NYAP1: variants seen among roughly 807,000 people sequenced by gnomAD.
NYAP1 encodes neuronal tyrosine phosphorylated phosphoinositide-3-kinase adaptor 1, also known as neuronal tyrosine-phosphorylated phosphoinositide-3-kinase adapter 1.
A neutral mutation model predicts 58.6 loss-of-function variants in NYAP1; 20 were observed. The observed-to-expected ratio is 0.34, with a 90% CI of 0.24 to 0.50. NYAP1 has a LOEUF of 0.50. Ranked by LOEUF, NYAP1 falls within the 20% of genes least tolerant of loss-of-function variation. NYAP1 has a pLI of 0.98. For missense variants in NYAP1, 1,150 were observed against 1,194.5 expected (o/e 0.96, Z 0.55); for synonymous variants, 572 against 523.1 (o/e 1.09, Z -1.27).
rs1032885495 is a variant in NYAP1 at position 100,486,069 on chromosome 7, CTTG to C, written c.68+696_68+698del. The stretch of plus-strand genomic sequence containing the variant: ...TTCCTCGCAACTGTGGAGTTTAATT[CTTG>C]TTGTTAATTAGATTAATCAGAGTGA... On this transcript the variant is annotated intron_variant, in intron 2 of 6. Coordinates refer to ENST00000300179, the MANE Select transcript of NYAP1 (RefSeq NM_173564.4). The surrounding 1 kb of genome is among the most constrained non-coding windows in gnomAD (Gnocchi z 6.2). 2.0e-5 allele frequency among the ~76,000 whole-genome samples: 3 copies of C among 152,138 alleles called. No individual in the cohort carries two copies. The highest frequency in any genetic ancestry group is 4.8e-5 in the African/African-American group (2 of 41,414).
At chr7:100,489,730 A>C in intron 4 of NYAP1, 64 bp downstream of exon 4, 2 of 878,680 alleles carry the variant, frequency 2.3e-6, no homozygotes, top group East Asian at 5.6e-5. Context: ...GATGCCTGCG[A>C]TGGTTTGGGG....
rs146405001 is a variant in NYAP1 at position 100,485,464 on chromosome 7, C to A, written c.68+85C>A. 9.5e-7 allele frequency: 1 copy of A among 1,052,832 alleles called. No individual in the cohort carries two copies. The highest frequency in any genetic ancestry group is 2.6e-5 in the East Asian group (1 of 38,576). The allele number at this position is 1,052,832 out of a possible 1,614,324, so 65.2% of individuals were successfully genotyped here. The stretch of plus-strand genomic sequence containing the variant: ...GGCCACAGCCCTTCTCGGGGGCCGG[C>A]AGCCTTGTCATGAGTGAGCTCTCTG... On this transcript the variant is annotated intron_variant, in intron 2 of 6. Transcript: ENST00000300179. This position sits in a 1 kb window ranked among gnomAD's most constrained non-coding sequence, Gnocchi z 5.7.
In NYAP1 at chr7:100,491,085, C is replaced by T. The variant is rs756530979; in HGVS notation, c.2258C>T (p.Ala753Val). ...TPRPCSQPRD[A>V]LSQPHPALPL... ...CGGCCCTGCAGCCAGCCCAGGGATG[C>T]CCTGAGCCAGGTGAGGCTTGGTTTT... The change falls in exon 6 of 7, where the codon GCC (alanine) becomes GTC (valine). Residue 753 changes from alanine to valine, a missense_variant. Physicochemically the swap from Ala to Val is moderately conservative, Grantham distance 64. Transcript: ENST00000300179. The T allele has an allele frequency of 1.9e-5, 29 of 1,552,548 alleles. No individual in the cohort carries two copies. Among genetic ancestry groups the T allele is most frequent in the Middle Eastern group, 1.7e-4 (1 of 5,996 alleles).
In NYAP1 at chr7:100,488,646, A is replaced by T; in HGVS notation, c.925A>T (p.Ser309Cys). The stretch of plus-strand genomic sequence containing the variant: ...CCGCCGCCCAGCTTCAGCCCTCCCG[A>T]GCCGGAGGGACGGGACGCCCACCAA... ...AHRRPASALP[S>C]RRDGTPTKTT... The change falls in exon 4 of 7, where the codon AGC becomes TGC. Residue 309 changes from serine (S) to cysteine (C), a missense_variant. Coordinates refer to ENST00000300179, the MANE Select transcript of NYAP1 (RefSeq NM_173564.4). The surrounding 1 kb of genome is among the most constrained non-coding windows in gnomAD (Gnocchi z 5.9). 1 of 1,608,246 alleles carries T rather than the reference A, an allele frequency of 6.2e-7. No individual in the cohort carries two copies. Among genetic ancestry groups the T allele is most frequent in the Non-Finnish European group, 8.5e-7 (1 of 1,178,204 alleles).
Position 100,489,362 on chromosome 7 carries a change from G to A in NYAP1, c.1641G>A (p.Pro547=), listed in dbSNP as rs751931590. ...LPDPTVGPLT[P]LWTYPATAAG... Reference sequence around the variant, plus strand: ...ACCCAACTGTAGGCCCCCTGACCCCGCTGTGGACCTACCCAGCCACAGCAG... The same window carrying A: ...ACCCAACTGTAGGCCCCCTGACCCCACTGTGGACCTACCCAGCCACAGCAG... Residue 547 remains proline (P), a synonymous_variant, in exon 4 of 7, where the codon CCG becomes CCA. Transcript: ENST00000300179. 39 of 1,612,110 alleles carry A rather than the reference G, an allele frequency of 2.4e-5. No individual in the cohort carries two copies. Among genetic ancestry groups the A allele is most frequent in the Admixed American group, 3.3e-5 (2 of 59,948 alleles).
chr7:100,490,830 G>T lies in NYAP1; in HGVS notation c.2158+101G>T. ...GACTTCCTCTCACCTGTTCACGTCT[G>T]TGCCCAGGGCCCTAAATCCTCATAC... On this transcript the variant is annotated intron_variant, in intron 5 of 6. Coordinates refer to ENST00000300179, the MANE Select transcript of NYAP1 (RefSeq NM_173564.4). This position sits in a 1 kb window ranked among gnomAD's most constrained non-coding sequence, Gnocchi z 4.6. The T allele has an allele frequency of 8.3e-7, 1 of 1,211,776 alleles. No homozygotes were observed. Among genetic ancestry groups the T allele is most frequent in the Non-Finnish European group, 1.1e-6 (1 of 878,152 alleles). The allele number at this position is 1,211,776 out of a possible 1,614,324, so 75.1% of individuals were successfully genotyped here. A position where few individuals can be genotyped will look rare whatever the true frequency, so the allele number is the denominator to read the frequency against.
rs765098353 is a variant in NYAP1 at position 100,490,742 on chromosome 7, G to A, written c.2158+13G>A. The A allele has an allele frequency of 2.0e-6, 3 of 1,493,990 alleles. No individual in the cohort carries two copies. In the East Asian group the frequency reaches 7.4e-5, roughly 37 times the overall value. The allele number at this position is 1,493,990 out of a possible 1,614,324, so 92.5% of individuals were successfully genotyped here. A position where few individuals can be genotyped will look rare whatever the true frequency, so the allele number is the denominator to read the frequency against. ...CACCGCAATGGAGGTGACGCGGCCT[G>A]CACACACCTGTGCACAGCGGGGCTG... On this transcript the variant is annotated intron_variant, in intron 5 of 6. Coordinates refer to ENST00000300179, the MANE Select transcript of NYAP1 (RefSeq NM_173564.4). The surrounding 1 kb of genome is among the most constrained non-coding windows in gnomAD (Gnocchi z 4.6).
rs1799746533 is a variant in NYAP1 at position 100,488,916 on chromosome 7, C to G, written c.1195C>G (p.Pro399Ala). 6.3e-7 allele frequency: 1 copy of G among 1,588,398 alleles called. No individual in the cohort carries two copies. Among genetic ancestry groups the G allele is most frequent in the African/African-American group, 1.3e-5 (1 of 74,096 alleles). ...PPAANLLLLGPSGRARSHSTP... is the reference protein window; with the variant it reads ...PPAANLLLLGASGRARSHSTP... ...TGCTGCCAACCTGCTGCTGCTGGGA[C>G]CATCGGGCCGGGCCCGGAGCCACTC... Residue 399 changes from proline (P) to alanine (A), a missense_variant, in exon 4 of 7, where the codon CCA (proline) becomes GCA (alanine). Physicochemically the swap from Pro to Ala is conservative, Grantham distance 27. Transcript: ENST00000300179. This position sits in a 1 kb window ranked among gnomAD's most constrained non-coding sequence, Gnocchi z 5.9.
chr7:100,489,391 G>A lies in NYAP1; in HGVS notation c.1670G>A (p.Gly557Glu), dbSNP rs1324044621. The change falls in exon 4 of 7, where the codon GGG becomes GAG. Residue 557 changes from glycine (G) to glutamate (E), a missense_variant. By Grantham distance (98) the Gly-to-Glu change is moderately conservative (BLOSUM62 -2). Transcript: ENST00000300179. ...TGGACCTACCCAGCCACAGCAGCTGGGCTCAAGAGACCCCCTGCCTATGAG... is the reference window on the plus strand; with the variant it reads ...TGGACCTACCCAGCCACAGCAGCTGAGCTCAAGAGACCCCCTGCCTATGAG... ...PLWTYPATAAGLKRPPAYESL... is the reference protein window; with the variant it reads ...PLWTYPATAAELKRPPAYESL... 5 of 1,612,828 alleles carry A rather than the reference G, an allele frequency of 3.1e-6. No homozygotes were observed. The highest frequency in any genetic ancestry group is 1.3e-5 in the African/African-American group (1 of 74,896).
At position 100,493,822 on chromosome 7, in the gene NYAP1, G is replaced by A; in HGVS notation, c.2445G>A (p.Trp815Ter). Residue 815 changes from tryptophan (W) to a stop codon, truncating the protein, a stop_gained, in exon 7 of 7, where the codon TGG becomes TGA. Transcript: ENST00000300179. LOFTEE classifies it high-confidence loss of function. ...AGAGCATGCCCATCCTCCCCAGCTG[G>A]CGGCGGGGACCCGAGCCCCGCAAGT... ...KQESMPILPS[W>*]RRGPEPRKSG... 1 of 1,581,890 alleles carries A rather than the reference G, an allele frequency of 6.3e-7. No individual in the cohort carries two copies. The highest frequency in any genetic ancestry group is 8.6e-7 in the Non-Finnish European group (1 of 1,168,192).
chr7:100,485,426 T>G lies in NYAP1; in HGVS notation c.68+47T>G, dbSNP rs1223971058. On this transcript the variant is annotated intron_variant, in intron 2 of 6. Transcript: ENST00000300179. The surrounding 1 kb of genome is among the most constrained non-coding windows in gnomAD (Gnocchi z 5.7). ...CTCCCTTCCCTTCCGCACCTCTGCC[T>G]GCCCCCTCACTGGGCCACAGCCCTT... is the stretch of plus-strand genomic sequence containing the variant. 1 of 1,456,896 alleles carries G rather than the reference T, an allele frequency of 6.9e-7. No individual in the cohort carries two copies. Among genetic ancestry groups the G allele is most frequent in the African/African-American group, 1.4e-5 (1 of 71,512 alleles). The allele number at this position is 1,456,896 out of a possible 1,614,324, so 90.2% of individuals were successfully genotyped here. A position where few individuals can be genotyped will look rare whatever the true frequency, so the allele number is the denominator to read the frequency against.
intron 6 of NYAP1, among the ~76,000 whole-genome samples, chr7:100,493,373 GAAAGAA>G (rs1799822995): frequency 6.6e-6 from 1 of 151,444 alleles, no homozygotes; most frequent in African/African-American, 2.4e-5. Flanking sequence ...AAAGACAAAA[GAAAGAA>G]AAAAAAGGGG....
chr7:100,493,666 G>C lies in NYAP1; in HGVS notation c.2289G>C (p.Leu763=). 6.3e-7 allele frequency: 1 copy of C among 1,585,376 alleles called. No individual in the cohort carries two copies. Among genetic ancestry groups the C allele is most frequent in the Non-Finnish European group, 8.5e-7 (1 of 1,171,338 alleles). The change falls in exon 7 of 7, where the codon CTG becomes CTC. Residue 763 remains leucine (L), a synonymous_variant. Coordinates refer to ENST00000300179, the MANE Select transcript of NYAP1 (RefSeq NM_173564.4). The part of the protein sequence containing the change: ...ALSQPHPALP[L]PLPLPPQPAR... ...CACAGCCCCACCCCGCGCTGCCGCT[G>C]CCTCTGCCCCTGCCGCCCCAGCCGG...
rs967929483 is a variant in NYAP1, at chr7:100,490,952, C to T, written c.2159-34C>T. Reference sequence around the variant, plus strand: ...AACTAGGGGAGGGGTACCTGAGGCCCCTGCACTCCTCACTCCTCCTTCTTC... The same window carrying T: ...AACTAGGGGAGGGGTACCTGAGGCCTCTGCACTCCTCACTCCTCCTTCTTC... On this transcript the variant is annotated intron_variant, in intron 5 of 6. Transcript: ENST00000300179. This position sits in a 1 kb window ranked among gnomAD's most constrained non-coding sequence, Gnocchi z 4.6. 3 of 1,386,822 alleles carry T rather than the reference C, an allele frequency of 2.2e-6. No homozygotes were observed. Among genetic ancestry groups the T allele is most frequent in the Admixed American group, 4.1e-5 (2 of 49,378 alleles). The allele number at this position is 1,386,822 out of a possible 1,614,324, so 85.9% of individuals were successfully genotyped here. A position where few individuals can be genotyped will look rare whatever the true frequency, so the allele number is the denominator to read the frequency against.
chr7:100,488,890 C>T lies in NYAP1; in HGVS notation c.1169C>T (p.Pro390Leu), dbSNP rs1418867101. 2 of 1,598,856 alleles carry T rather than the reference C, an allele frequency of 1.3e-6. No homozygotes were observed. Among genetic ancestry groups the T allele is most frequent in the Middle Eastern group, 1.7e-4 (1 of 5,998 alleles). The stretch of plus-strand genomic sequence containing the variant: ...ACGCCTCCCCCACCGCCTCCACCTC[C>T]TGCTGCCAACCTGCTGCTGCTGGGA... ...RETPPPPPPP[P>L]AANLLLLGPS... is the part of the protein sequence containing the mutation. The change falls in exon 4 of 7, where the codon CCT (proline) becomes CTT (leucine). Residue 390 changes from proline to leucine, a missense_variant. Coordinates refer to ENST00000300179, the MANE Select transcript of NYAP1 (RefSeq NM_173564.4). The surrounding 1 kb of genome is among the most constrained non-coding windows in gnomAD (Gnocchi z 5.9).
At position 100,489,573 on chromosome 7, in the gene NYAP1, G is replaced by A; in HGVS notation, c.1852G>A (p.Glu618Lys). Reference protein sequence around the residue: ...VIASAGTPEEEEEEVGAATFG... With the variant: ...VIASAGTPEEKEEEVGAATFG... Reference sequence around the variant, plus strand: ...CGCCAGCGCAGGGACACCAGAGGAGGAAGAAGAGGAGGTGGGCGCCGCGAC... The same window carrying A: ...CGCCAGCGCAGGGACACCAGAGGAGAAAGAAGAGGAGGTGGGCGCCGCGAC... Residue 618 changes from glutamate to lysine, a missense_variant, in exon 4 of 7, where the codon GAA (glutamate) becomes AAA (lysine). Coordinates refer to ENST00000300179, the MANE Select transcript of NYAP1 (RefSeq NM_173564.4). 1 of 1,613,262 alleles carries A rather than the reference G, an allele frequency of 6.2e-7. No individual in the cohort carries two copies.
Position 100,487,243 on chromosome 7 carries a change from C to G in NYAP1, c.430+61C>G, listed in dbSNP as rs1421792568. ...GGGAGCTGGGAGGATCTATTCCACG[C>G]CCGGGGAGGCTTGCCGGGAGGGTTC... On this transcript the variant is annotated intron_variant, in intron 3 of 6. Coordinates refer to ENST00000300179, the MANE Select transcript of NYAP1 (RefSeq NM_173564.4). The surrounding 1 kb of genome is among the most constrained non-coding windows in gnomAD (Gnocchi z 4.1). The G allele has an allele frequency of 1.0e-5, 15 of 1,436,256 alleles. No homozygotes were observed. Among genetic ancestry groups the G allele is most frequent in the Middle Eastern group, 1.9e-4 (1 of 5,380 alleles). 89.0% of individuals were successfully genotyped at this position (1,436,256 alleles called of 1,614,324 possible).
chr7:100,488,411 T>C lies in NYAP1; in HGVS notation c.690T>C (p.Ser230=), dbSNP rs1196913878. 1.9e-6 allele frequency: 3 copies of C among 1,598,162 alleles called. No homozygotes were observed. In the Admixed American group the frequency reaches 5.3e-5, roughly 28 times the overall value. The change falls in exon 4 of 7, where the codon AGT becomes AGC. Residue 230 remains serine (S), a synonymous_variant. Transcript: ENST00000300179. The surrounding 1 kb of genome is among the most constrained non-coding windows in gnomAD (Gnocchi z 5.9). ...VGDVFRGGGR[S]GGGLAGPPLG... is the part of the protein sequence containing the mutation. ...ACGTCTTTAGGGGAGGAGGACGAAG[T>C]GGAGGAGGCCTGGCTGGGCCCCCTC...
Position 100,489,303 on chromosome 7 carries a change from C to G in NYAP1, c.1582C>G (p.Arg528Gly), listed in dbSNP as rs878860319. The G allele has an allele frequency of 4.4e-6, 7 of 1,600,528 alleles. No individual in the cohort carries two copies. The highest frequency in any genetic ancestry group is 4.5e-5 in the East Asian group (2 of 44,098). Residue 528 changes from arginine (R) to glycine (G), a missense_variant, in exon 4 of 7, where the codon CGC becomes GGC. Arg to Gly is a moderately radical substitution (Grantham distance 125). Transcript: ENST00000300179. ...CGCAGCAGCTGGGGTCCTCCACCAC[C>G]GCGGCTGCCTGGCCTCCCCCCACAG... ...MGAAAGVLHHRGCLASPHSLP... is the reference protein window; with the variant it reads ...MGAAAGVLHHGGCLASPHSLP...
Sources: gnomAD v4.1 joint callset for allele counts (sites outside exome capture counted in the v4.1 genomes callset) on GRCh38, gnomAD v4.1.1 for gene constraint, Gnocchi (gnomAD v3.1) non-coding constraint, MANE v1.5 for transcripts, NCBI Gene and HGNC (gene_info 2026-07-23, HGNC 2026-07-21) for gene names.